Variants in HYDIN observed in about 807,000 individuals in gnomAD.
HYDIN encodes the protein axonemal central pair apparatus protein HYDIN.
In HYDIN, 132 loss-of-function variants were observed where a neutral mutation model predicts 403.9. The ratio of observed to expected loss-of-function variants is 0.33; its 90% CI spans 0.28 to 0.38. HYDIN has a LOEUF of 0.38. Ranked by LOEUF, HYDIN falls within the 10% of genes least tolerant of loss-of-function variation. The pLI, the probability that HYDIN is intolerant of heterozygous loss-of-function variation, is 1.00. For synonymous variants in HYDIN, 1,202 were observed against 1,891.7 expected, an observed-to-expected ratio of 0.64 and a Z score of 9.46; for missense variants, 2,827 against 5,009.5, an observed-to-expected ratio of 0.56 and a Z score of 13.15.
chr16:71,098,169 G>T (rs1306880111), intron 10 of HYDIN, among the ~76,000 whole-genome samples: 1 of 151,108 alleles, frequency 6.6e-6, no homozygotes, highest in African/African-American at 2.4e-5. Context: ...TGTTAGTTGT[G>T]GCAATACTCT....
chr16:70,904,478 C>CG (rs2076473858), intron 50 of HYDIN, among the ~76,000 whole-genome samples: 1 of 25,184 alleles, frequency 4.0e-5, no homozygotes, highest in Non-Finnish European at 9.5e-5. Flanking sequence ...ACTTGAGTAA[C>CG]TTTTTTTTTT....
At chr16:71,046,926 G>A (rs564259778) in intron 18 of HYDIN, among the ~76,000 whole-genome samples, 3 of 152,132 alleles carry the variant, frequency 2.0e-5, no homozygotes, top group East Asian at 1.9e-4. Context: ...GACATAAATC[G>A]AGTTGATGAT....
At chr16:71,224,663 G>A (rs1042367760) in intron 1 of HYDIN, among the ~76,000 whole-genome samples, 4 of 144,918 alleles carry the variant, frequency 2.8e-5, no homozygotes, top group East Asian at 4.1e-4. Context: ...CCGGGTTCAC[G>A]CCATTCTCCT....
intron 21 of HYDIN, among the ~76,000 whole-genome samples, chr16:71,022,592 T>G (rs937547125): frequency 3.9e-5 from 6 of 152,146 alleles, no homozygotes; most frequent in African/African-American, 1.4e-4. Context: ...TGTTATACAA[T>G]TAAATCTGAA....
At chr16:71,227,106 T>C (rs1478994426) in intron 1 of HYDIN, among the ~76,000 whole-genome samples, 1 of 151,978 alleles carries the variant, frequency 6.6e-6, no homozygotes, top group African/African-American at 2.4e-5. Flanking sequence ...GCAAATTAAA[T>C]ATCTGACTTT....
chr16:71,217,924 C>T (rs540178630), intron 1 of HYDIN, among the ~76,000 whole-genome samples: 3 of 152,108 alleles, frequency 2.0e-5, no homozygotes, highest in Non-Finnish European at 2.9e-5. Flanking sequence ...GGTGCTGAAT[C>T]GTTGTTGAAA....
Position 70,981,578 on chromosome 16 carries a change from A to G in HYDIN, c.4333-10T>C. The G allele has an allele frequency of 6.2e-7, 1 of 1,607,704 alleles. No homozygotes were observed. The highest frequency in any genetic ancestry group is 8.5e-7 in the Non-Finnish European group (1 of 1,176,754). On this transcript the variant is annotated splice_polypyrimidine_tract_variant and intron_variant, in intron 28 of 85. Coordinates refer to ENST00000393567, the MANE Select transcript of HYDIN (RefSeq NM_001270974.2). ...GTGAACTGATAAAGCCCTACGCGGTAGAAAGACCAGAAAAGGGAAAACGAA... is the reference window on the plus strand; with the variant it reads ...GTGAACTGATAAAGCCCTACGCGGTGGAAAGACCAGAAAAGGGAAAACGAA...
chr16:71,219,526 A>G (rs544669962), intron 1 of HYDIN, among the ~76,000 whole-genome samples: 1 of 152,240 alleles, frequency 6.6e-6, no homozygotes, highest in South Asian at 2.1e-4. Flanking sequence ...CTAACATAGG[A>G]TATGCTGGTT....
At chr16:71,190,349 A>AAG (rs2087372318) in intron 1 of HYDIN, among the ~76,000 whole-genome samples, 1 of 151,232 alleles carries the variant, frequency 6.6e-6, no homozygotes, top group Non-Finnish European at 1.5e-5. Flanking sequence ...TTGAGCATAA[A>AAG]AAAAAAAAAG....
At chr16:70,835,392 C>T (rs571934677) in intron 78 of HYDIN, among the ~76,000 whole-genome samples, 5 of 152,006 alleles carry the variant, frequency 3.3e-5, no homozygotes, top group South Asian at 2.1e-4. Context: ...GTCTACACAA[C>T]GGAGATGTAA....
chr16:71,069,969 G>GACC (rs1256589934), intron 13 of HYDIN, among the ~76,000 whole-genome samples: 1 of 152,224 alleles, frequency 6.6e-6, no homozygotes, highest in Non-Finnish European at 1.5e-5. Flanking sequence ...CCCCCTGGGT[G>GACC]ACCCAGAGCT....
chr16:71,042,834 T>C (rs1410020473), intron 18 of HYDIN, among the ~76,000 whole-genome samples: 3 of 152,056 alleles, frequency 2.0e-5, no homozygotes, highest in Non-Finnish European at 4.4e-5. Flanking sequence ...CTGGACAGGC[T>C]GCCCTCTGGG....
chr16:70,887,974 C>T (rs553872681), intron 58 of HYDIN, among the ~76,000 whole-genome samples: 20 of 152,174 alleles, frequency 1.3e-4, no homozygotes, highest in Non-Finnish European at 2.8e-4. Flanking sequence ...CGAGCCACGG[C>T]GCCTGGCCCA....
At chr16:71,178,470 C>T (rs1005472825) in intron 4 of HYDIN, among the ~76,000 whole-genome samples, 3 of 145,876 alleles carry the variant, frequency 2.1e-5, no homozygotes, top group Admixed American at 6.8e-5. Flanking sequence ...TATATACACA[C>T]ACACATACAT....
intron 7 of HYDIN, among the ~76,000 whole-genome samples, chr16:71,145,648 A>G (rs1449201839): frequency 4.6e-5 from 7 of 152,184 alleles, no homozygotes; most frequent in Non-Finnish European, 1.0e-4. Flanking sequence ...ATGCTTACAT[A>G]AAAGTAAAAT....
intron 23 of HYDIN, among the ~76,000 whole-genome samples, chr16:71,000,612 C>G (rs1274509436): frequency 6.6e-6 from 1 of 152,122 alleles, no homozygotes; most frequent in Non-Finnish European, 1.5e-5. Flanking sequence ...CCATAAGTTT[C>G]CCTGTGCTTG....
At chr16:71,005,306 A>T (rs1410013493) in intron 23 of HYDIN, among the ~76,000 whole-genome samples, 1 of 152,120 alleles carries the variant, frequency 6.6e-6, no homozygotes, top group African/African-American at 2.4e-5. Context: ...CATGTGGCCA[A>T]CTAGTACTTG....
chr16:70,807,896 A>G lies in HYDIN; in HGVS notation c.15050T>C (p.Leu5017Pro). 8.1e-6 allele frequency: 13 copies of G among 1,614,138 alleles called. No individual in the cohort carries two copies. Among genetic ancestry groups the G allele is most frequent in the Non-Finnish European group, 1.1e-5 (13 of 1,180,016 alleles). ...CTTGGGAGGCAGAGCCATTCCAAAG[A>G]GGGGGATGATATACTCTCCACCTGC... is the stretch of plus-strand genomic sequence containing the variant. ...SLAGGEYIIP[L>P]FGMALPPKPQ... Residue 5017 changes from leucine to proline, a missense_variant, in exon 86 of 86, where the codon CTC (leucine) becomes CCC (proline). Leu to Pro is a moderately conservative substitution (Grantham distance 98). Transcript: ENST00000393567.
At chr16:70,944,547 G>C (rs1316065965) in intron 41 of HYDIN, among the ~76,000 whole-genome samples, 1 of 152,138 alleles carries the variant, frequency 6.6e-6, no homozygotes, top group Non-Finnish European at 1.5e-5. Flanking sequence ...TGTGCTCGGG[G>C]AATCTCGGGG....
Sources: gnomAD v4.1 joint callset for allele counts (sites outside exome capture counted in the v4.1 genomes callset) on GRCh38, gnomAD v4.1.1 for gene constraint, MANE v1.5 for transcripts, NCBI Gene and HGNC (gene_info 2026-07-23, HGNC 2026-07-21) for gene names.